RGS5: variants seen among roughly 807,000 people sequenced by gnomAD.
The protein encoded by RGS5 is regulator of G protein signaling 5.
In RGS5, 20 loss-of-function variants were observed where a neutral mutation model predicts 18.9. The ratio of observed to expected loss-of-function variants is 1.06; its 90% CI spans 0.74 to 1.54. The LOEUF (loss-of-function observed/expected upper bound fraction) is 1.54, where lower values mean the gene tolerates loss of function less well. RGS5 is among the 40% of genes most tolerant of loss of function. The pLI, the probability that RGS5 is intolerant of heterozygous loss-of-function variation, is 0.00. For missense variants in RGS5, 201 were observed against 211.8 expected (o/e 0.95, Z 0.32); for synonymous variants, 57 against 76.2 (o/e 0.75, Z 1.31).
At chr1:163,161,112 T>C (rs1657780995) in intron 3 of RGS5, among the ~76,000 whole-genome samples, 1 of 152,100 alleles carries the variant, frequency 6.6e-6, no homozygotes, top group African/African-American at 2.4e-5. Flanking sequence ...GAATTATCTA[T>C]TATAGGAGAG....
chr1:163,203,853 C>G (rs1003955345), upstream of RGS5, among the ~76,000 whole-genome samples: 4 of 151,818 alleles, frequency 2.6e-5, no homozygotes, highest in African/African-American at 7.3e-5. Context: ...CAAAATTTAC[C>G]TGAATTGTGT....
intron 1 of RGS5, among the ~76,000 whole-genome samples, chr1:163,318,267 C>T (rs1451201438): frequency 6.6e-6 from 1 of 151,980 alleles, no homozygotes; most frequent in African/African-American, 2.4e-5. Flanking sequence ...TAATGAAGAC[C>T]CTAGCACACC....
At chr1:163,299,262 T>G (rs1326407045) in intron 2 of RGS5, among the ~76,000 whole-genome samples, 1 of 152,186 alleles carries the variant, frequency 6.6e-6, no homozygotes, top group African/African-American at 2.4e-5. Flanking sequence ...ATTGCTGTAT[T>G]TTATATATTG....
At chr1:163,295,192 G>T (rs78894474) in intron 2 of RGS5, among the ~76,000 whole-genome samples, 13 of 151,900 alleles carry the variant, frequency 8.6e-5, no homozygotes, top group African/African-American at 3.1e-4. Context: ...ATCTTTATAG[G>T]AGCACCCCAG....
At chr1:163,154,012 C>A (rs896695491) in intron 3 of RGS5, among the ~76,000 whole-genome samples, 3 of 152,068 alleles carry the variant, frequency 2.0e-5, no homozygotes, top group Non-Finnish European at 4.4e-5. Flanking sequence ...GTCACTTTGC[C>A]CCCCAGGGCA....
intron 1 of RGS5, chr1:163,321,313 C>T (rs1408043498): frequency 1.3e-5 from 2 of 152,160 alleles, no homozygotes; most frequent in Non-Finnish European, 2.9e-5. Context: ...GTTTTCATAT[C>T]GGTGAAAGCG....
chr1:163,189,152 T>C (rs1047979298), intron 1 of RGS5, among the ~76,000 whole-genome samples: 2 of 152,124 alleles, frequency 1.3e-5, no homozygotes, highest in East Asian at 1.9e-4. Flanking sequence ...TCCCAGGACA[T>C]GGTAAATGCT....
chr1:163,290,426 T>G (rs1002957776), intron 2 of RGS5, among the ~76,000 whole-genome samples: 22 of 152,200 alleles, frequency 1.4e-4, no homozygotes, highest in African/African-American at 5.3e-4. Context: ...GCTTTCTGTA[T>G]AATTCTTGCC....
chr1:163,279,655 T>C (rs1648941741), intron 2 of RGS5, among the ~76,000 whole-genome samples: 2 of 151,386 alleles, frequency 1.3e-5, no homozygotes, highest in African/African-American at 2.4e-5. Context: ...AGAAAAGAAA[T>C]AGTAAATTCA....
At chr1:163,189,853 G>A (rs921951405) in intron 1 of RGS5, among the ~76,000 whole-genome samples, 8 of 152,154 alleles carry the variant, frequency 5.3e-5, no homozygotes, top group South Asian at 2.1e-4. Context: ...CTCATGCACC[G>A]TGGTACCAAA....
In RGS5 at chr1:163,195,765, G is replaced by C. The variant is rs548935903; in HGVS notation, c.44+7027C>G. ...CACATAATTGACTGACTTAAATTAT[G>C]TTTCCTTCACTGCCTACAAAGGGGA... On this transcript the variant is annotated intron_variant, in intron 1 of 4. Transcript: ENST00000313961. 2.6e-5 allele frequency among the ~76,000 whole-genome samples: 4 copies of C among 151,988 alleles called. No individual in the cohort carries two copies. The South Asian group carries it at 6.2e-4, about 24-fold the overall frequency.
upstream of RGS5, among the ~76,000 whole-genome samples, chr1:163,218,034 C>T (rs1350788618): frequency 6.7e-6 from 1 of 148,598 alleles, no homozygotes; most frequent in Non-Finnish European, 1.5e-5. Flanking sequence ...AGTGACCTGC[C>T]TGAAAAAAAA....
At chr1:163,199,064 T>C (rs2101657798) in intron 1 of RGS5, among the ~76,000 whole-genome samples, 1 of 152,284 alleles carries the variant, frequency 6.6e-6, no homozygotes, top group African/African-American at 2.4e-5. Context: ...TTCAACAGAC[T>C]CTGAAAATAA....
chr1:163,249,427 C>G (rs1179189496), intron 2 of RGS5, among the ~76,000 whole-genome samples: 1 of 152,178 alleles, frequency 6.6e-6, no homozygotes, highest in Non-Finnish European at 1.5e-5. Context: ...TGACTCCAAC[C>G]TTTTGCCAAA....
chr1:163,184,801 C>T (rs1215250015), intron 1 of RGS5, among the ~76,000 whole-genome samples: 2 of 152,098 alleles, frequency 1.3e-5, no homozygotes, highest in Non-Finnish European at 2.9e-5. Context: ...AAATCAATTT[C>T]CCCCAGAACC....
chr1:163,223,485 T>C (rs534501537), intron 2 of RGS5, among the ~76,000 whole-genome samples: 5 of 152,308 alleles, frequency 3.3e-5, no homozygotes, highest in Non-Finnish European at 5.9e-5. Context: ...GGATGAAGTG[T>C]AGGGCTTGGT....
At chr1:163,321,142 C>T (rs1650193302) in intron 1 of RGS5, 1 of 152,232 alleles carries the variant, frequency 6.6e-6, no homozygotes, top group Admixed American at 6.5e-5. Flanking sequence ...GGCCCCTTAT[C>T]TGAAGAATGC....
At chr1:163,180,885 G>C (rs1015119743) in intron 1 of RGS5, among the ~76,000 whole-genome samples, 1 of 151,610 alleles carries the variant, frequency 6.6e-6, no homozygotes, top group Admixed American at 6.6e-5. Context: ...TAGTAGAGAC[G>C]GGGTTACACC....
At chr1:163,219,425 A>G (rs1015140416), upstream of RGS5, among the ~76,000 whole-genome samples, 8 of 152,146 alleles carry the variant, frequency 5.3e-5, no homozygotes, top group African/African-American at 1.9e-4. Flanking sequence ...TAGTTCTTTC[A>G]TTTTAATTGT....
Sources: allele counts gnomAD v4.1 joint callset (sites outside exome capture counted in the v4.1 genomes callset), GRCh38; gene constraint gnomAD v4.1.1; transcripts MANE v1.5; gene names NCBI Gene and HGNC (gene_info 2026-07-23, HGNC 2026-07-21).